DDB2: variants seen among roughly 807,000 people sequenced by gnomAD.
DDB2 encodes DNA damage-binding protein 2.
A neutral mutation model predicts 50.5 loss-of-function variants in DDB2; 27 were observed. The ratio of observed to expected loss-of-function variants is 0.53; its 90% CI spans 0.39 to 0.74. DDB2 has a LOEUF of 0.74. Among genes scored for constraint, DDB2 ranks in the 30% least tolerant of loss-of-function variants. The pLI is 0.00. For missense variants in DDB2, 424 were observed against 545.6 expected (o/e 0.78, Z 2.22); for synonymous variants, 176 against 205.5 (o/e 0.86, Z 1.23).
chr11:47,218,286 C>T (rs1209347021), intron 3 of DDB2, among the ~76,000 whole-genome samples: 1 of 152,204 alleles, frequency 6.6e-6, no homozygotes, highest in African/African-American at 2.4e-5. Flanking sequence ...ATCCTATTCC[C>T]AGTGCCTGGA....
chr11:47,230,752 C>T (rs1014586650), intron 3 of DDB2, among the ~76,000 whole-genome samples: 1 of 152,022 alleles, frequency 6.6e-6, no homozygotes, highest in African/African-American at 2.4e-5. Flanking sequence ...ATAGCTGCAG[C>T]GTAAAGAAGA....
chr11:47,228,157 A>G (rs2135501466), intron 3 of DDB2, among the ~76,000 whole-genome samples: 1 of 151,370 alleles, frequency 6.6e-6, no homozygotes, highest in African/African-American at 2.4e-5. Flanking sequence ...AAAAAAAAAA[A>G]AAAGATTATG....
In DDB2 at chr11:47,237,137, G is replaced by A. The variant is rs536838847; in HGVS notation, c.1024-700G>A. Among the ~76,000 whole-genome samples the A allele has an allele frequency of 3.1e-4, 47 of 152,284 alleles. 1 individual carries two copies. The highest frequency in any genetic ancestry group is 1.0e-3 in the African/African-American group (42 of 41,564). On this transcript the variant is annotated intron_variant, in intron 7 of 9. Coordinates refer to ENST00000256996, the MANE Select transcript of DDB2 (RefSeq NM_000107.3). ...GTGTTGATGGAGACAGGATGACAGTGGGGCTCCTCCAGAACTCAAGTCCTG... is the reference window on the plus strand; with the variant it reads ...GTGTTGATGGAGACAGGATGACAGTAGGGCTCCTCCAGAACTCAAGTCCTG...
At chr11:47,223,313 C>A (rs750667323) in intron 3 of DDB2, among the ~76,000 whole-genome samples, 1 of 151,304 alleles carries the variant, frequency 6.6e-6, no homozygotes. Context: ...GGTGAAACCC[C>A]GCCTCTACTA....
intron 3 of DDB2, among the ~76,000 whole-genome samples, chr11:47,226,273 AT>A (rs1235730292): frequency 8.0e-6 from 1 of 125,448 alleles, no homozygotes; most frequent in Non-Finnish European, 1.8e-5. Context: ...ACCAACATTT[AT>A]TTTCTTTTTT....
intron 4 of DDB2, chr11:47,233,364 C>A (rs1190835529): frequency 1.1e-5 from 3 of 277,650 alleles, no homozygotes; most frequent in Admixed American, 9.2e-5. Context: ...TGGATGGAAT[C>A]TTTTCCATAA....
Position 47,234,952 on chromosome 11 carries a change from T to A in DDB2, c.880+18T>A. Reference sequence around the variant, plus strand: ...CAACGCAGGTGTGATATCCCAGACCTCATCTCTCCTGCAGACCCTGCCTGT... The same window carrying A: ...CAACGCAGGTGTGATATCCCAGACCACATCTCTCCTGCAGACCCTGCCTGT... On this transcript the variant is annotated intron_variant, in intron 6 of 9. Transcript: ENST00000256996. 1 of 1,613,642 alleles carries A rather than the reference T, an allele frequency of 6.2e-7. No individual in the cohort carries two copies. Among genetic ancestry groups the A allele is most frequent in the Non-Finnish European group, 8.5e-7 (1 of 1,179,694 alleles).
intron 3 of DDB2, among the ~76,000 whole-genome samples, chr11:47,219,664 A>G (rs1953453830): frequency 6.6e-6 from 1 of 152,136 alleles, no homozygotes; most frequent in African/African-American, 2.4e-5. Flanking sequence ...AGAACGTCTT[A>G]ATATTGGCAC....
chr11:47,228,266 C>CAA (rs879795838), intron 3 of DDB2, among the ~76,000 whole-genome samples: 2 of 135,784 alleles, frequency 1.5e-5, no homozygotes, highest in African/African-American at 5.4e-5. Flanking sequence ...AACTCTGTCT[C>CAA]AAAAAAAAAA....
intron 3 of DDB2, among the ~76,000 whole-genome samples, chr11:47,223,597 G>A (rs1322958916): frequency 2.0e-5 from 3 of 151,968 alleles, no homozygotes; most frequent in Admixed American, 6.6e-5. Flanking sequence ...TGGCTAACAC[G>A]GTGAAACCCT....
chr11:47,229,184 A>AGGTGGC (rs1953608038), intron 3 of DDB2, among the ~76,000 whole-genome samples: 1 of 152,094 alleles, frequency 6.6e-6, no homozygotes, highest in Non-Finnish European at 1.5e-5. Flanking sequence ...TACAGGTGGC[A>AGGTGGC]GGTGGCAGCT....
chr11:47,236,721 A>C (rs1426124284), intron 7 of DDB2, among the ~76,000 whole-genome samples: 1 of 152,248 alleles, frequency 6.6e-6, no homozygotes, highest in Non-Finnish European at 1.5e-5. Context: ...TTGAATATTG[A>C]GTGGCCCCCA....
At chr11:47,237,538 C>G (rs1451051908) in intron 7 of DDB2, 2 of 378,096 alleles carry the variant, frequency 5.3e-6, no homozygotes, top group Non-Finnish European at 1.0e-5. Context: ...TCAAGTGATT[C>G]CCCTGCCTCA....
chr11:47,232,794 T>G lies in DDB2; in HGVS notation c.457-20T>G, dbSNP rs755579233. 1.3e-5 allele frequency: 21 copies of G among 1,612,648 alleles called. No individual in the cohort carries two copies. Among genetic ancestry groups the G allele is most frequent in the Non-Finnish European group, 1.6e-5 (19 of 1,179,904 alleles). ...GCCAGGCCCATCATCACTCACTGGC[T>G]TTTTCCTTCCTCGTGTTAGATTGGA... On this transcript the variant is annotated intron_variant, in intron 3 of 9. Transcript: ENST00000256996.
rs10544942 is a variant in DDB2 at position 47,233,709 on chromosome 11, C to CA, written c.602+768dup. Among the ~76,000 whole-genome samples the CA allele has an allele frequency of 1.1e-4, 15 of 140,538 alleles. No homozygotes were observed. The East Asian group carries it at 1.5e-3, about 14-fold the overall frequency. 92.2% of individuals were successfully genotyped at this position (140,538 alleles called of 152,430 possible). ...GGGCAACAAGAGCGAAAATCTATCT[C>CA]AAAAAAAAAAAAAAAAAATTACAGA... On this transcript the variant is annotated intron_variant, in intron 4 of 9. Coordinates refer to ENST00000256996, the MANE Select transcript of DDB2 (RefSeq NM_000107.3).
At chr11:47,232,666 C>T (rs1457450441) in intron 3 of DDB2, 148 bp from the exon 4 acceptor site, 6 of 802,364 alleles carry the variant, frequency 7.5e-6, no homozygotes, top group Non-Finnish European at 1.1e-5. Context: ...AGTGAAGGCC[C>T]TGTAGAGAGC....
intron 1 of DDB2, 75 bp downstream of exon 1, chr11:47,215,338 G>C: frequency 6.2e-7 from 1 of 1,607,330 alleles, no homozygotes; most frequent in Non-Finnish European, 8.5e-7. Flanking sequence ...CGGGGGATGG[G>C]TGCTCCGAGG....
intron 4 of DDB2, chr11:47,233,303 T>C (rs1006316471): frequency 2.6e-6 from 1 of 388,114 alleles, no homozygotes; most frequent in Admixed American, 3.6e-5. Flanking sequence ...CTGAATGCCC[T>C]GCACTCACTG....
In DDB2 at chr11:47,215,007, A is replaced by T; in HGVS notation, c.-130A>T. 1 of 1,362,454 alleles carries T rather than the reference A, an allele frequency of 7.3e-7. No homozygotes were observed. Among genetic ancestry groups the T allele is most frequent in the African/African-American group, 1.4e-5 (1 of 69,786 alleles). The allele number at this position is 1,362,454 out of a possible 1,614,324, so 84.4% of individuals were successfully genotyped here. ...CAAGCCCTGGGCATGTTTGGCGGGA[A>T]GTTGGCTTAGCTCGGCTACCTGTGG... On this transcript the variant is annotated 5_prime_UTR_variant, in exon 1 of 10. The change creates a new upstream start codon in the 5' untranslated region. Coordinates refer to ENST00000256996, the MANE Select transcript of DDB2 (RefSeq NM_000107.3).
Sources: gnomAD v4.1 joint callset for allele counts (sites outside exome capture counted in the v4.1 genomes callset) on GRCh38, gnomAD v4.1.1 for gene constraint, MANE v1.5 for transcripts, NCBI Gene and HGNC (gene_info 2026-07-23, HGNC 2026-07-21) for gene names.